GRHL1: variants seen among roughly 807,000 people sequenced by gnomAD.
GRHL1 encodes grainyhead like transcription factor 1, also known as grainyhead-like protein 1 homolog.
Under a neutral mutation model 75.7 loss-of-function variants are expected in GRHL1, and 38 were observed. The ratio of observed to expected loss-of-function variants is 0.50; its 90% CI spans 0.39 to 0.66. GRHL1 has a LOEUF of 0.66. Among genes scored for constraint, GRHL1 ranks in the 30% least tolerant of loss-of-function variants. The probability of loss-of-function intolerance (pLI) is 0.00; values close to 1 mark genes in which losing one functional copy is unlikely to be tolerated. For missense variants in GRHL1, 589 were observed against 767.5 expected, an observed-to-expected ratio of 0.77 and a Z score of 2.75; for synonymous variants, 266 against 279.4, an observed-to-expected ratio of 0.95 and a Z score of 0.48.
chr2:9,964,422 G>C, intron 7 of GRHL1, 76 bp downstream of exon 7: 1 of 781,088 alleles, frequency 1.3e-6, no homozygotes, highest in South Asian at 1.7e-5. Flanking sequence ...ATTTTTGGCA[G>C]TGATCAGCTT....
In GRHL1 at chr2:9,992,916, A is replaced by AAGGCTAAT. The variant is rs1238580697; in HGVS notation, c.1462-291_1462-290insAGGCTAAT. Among the ~76,000 whole-genome samples, 5 of 152,204 alleles carry AAGGCTAAT rather than the reference A, an allele frequency of 3.3e-5. No homozygotes were observed. Among genetic ancestry groups the AAGGCTAAT allele is most frequent in the African/African-American group, 1.2e-4 (5 of 41,458 alleles). The stretch of plus-strand genomic sequence containing the variant: ...CCCCGTGGTCTCCACTGTGCTGCTC[A>AAGGCTAAT]GTGCTGCCGAACTAGTGCACACATG... On this transcript the variant is annotated intron_variant, in intron 11 of 15. Coordinates refer to ENST00000324907, the MANE Select transcript of GRHL1 (RefSeq NM_198182.3). This position sits in a 1 kb window ranked among gnomAD's most constrained non-coding sequence, Gnocchi z 4.6.
intron 8 of GRHL1, among the ~76,000 whole-genome samples, chr2:9,981,028 A>G (rs1475485976): frequency 6.6e-6 from 1 of 152,274 alleles, no homozygotes; most frequent in South Asian, 2.1e-4. Context: ...CCCATTAGGT[A>G]GAATCCATGG....
In GRHL1 at chr2:9,951,938, G is replaced by A. The variant is rs886992092; in HGVS notation, c.20+85G>A. 16 of 893,784 alleles carry A rather than the reference G, an allele frequency of 1.8e-5. No individual in the cohort carries two copies. The African/African-American group carries it at 2.5e-4, about 14-fold the overall frequency. 55.4% of individuals were successfully genotyped at this position (893,784 alleles called of 1,614,324 possible). Reference sequence around the variant, plus strand: ...CAGCGAGCGAGCCGGGCGCAGACCCGAGGCCGCGCGGGCGGGCGGGCGCGG... The same window carrying A: ...CAGCGAGCGAGCCGGGCGCAGACCCAAGGCCGCGCGGGCGGGCGGGCGCGG... On this transcript the variant is annotated intron_variant, in intron 1 of 15. Coordinates refer to ENST00000324907, the MANE Select transcript of GRHL1 (RefSeq NM_198182.3). This position sits in a 1 kb window ranked among gnomAD's most constrained non-coding sequence, Gnocchi z 4.2.
intron 8 of GRHL1, among the ~76,000 whole-genome samples, chr2:9,979,400 A>G (rs1233090148): frequency 6.6e-6 from 1 of 151,818 alleles, no homozygotes; most frequent in East Asian, 1.9e-4. Context: ...ATGCCCAGCT[A>G]ATTTATTTTA....
In GRHL1 at chr2:9,968,651, G is replaced by A. The variant is rs1360069642; in HGVS notation, c.1110+3270G>A. On this transcript the variant is annotated intron_variant, in intron 8 of 15. Transcript: ENST00000324907. This position sits in a 1 kb window ranked among gnomAD's most constrained non-coding sequence, Gnocchi z 4.7. Reference sequence around the variant, plus strand: ...AGATGCTGAAGTTTAGGATTTGCAGGACAAGATGAGGGCACTGGTCTCCTG... The same window carrying A: ...AGATGCTGAAGTTTAGGATTTGCAGAACAAGATGAGGGCACTGGTCTCCTG... Among the ~76,000 whole-genome samples the A allele has an allele frequency of 6.6e-6, 1 of 152,178 alleles. No individual in the cohort carries two copies. Among genetic ancestry groups the A allele is most frequent in the East Asian group, 1.9e-4 (1 of 5,186 alleles).
At chr2:9,954,866 T>G (rs1386646013) in intron 1 of GRHL1, 49 bp from the exon 2 acceptor site, 2 of 1,421,342 alleles carry the variant, frequency 1.4e-6, no homozygotes, top group Non-Finnish European at 2.0e-6. Flanking sequence ...TTATGATACC[T>G]TGCAGTAGAA....
chr2:9,966,493 T>G (rs2125215219), intron 8 of GRHL1: 1 of 152,316 alleles, frequency 6.6e-6, no homozygotes, highest in South Asian at 2.1e-4. Context: ...CTTACAATAT[T>G]AGGTATAGCA....
intron 8 of GRHL1, among the ~76,000 whole-genome samples, chr2:9,974,502 G>C (rs6744047): frequency 0.17 from 26,069 of 152,110 alleles, 2,867 homozygotes; most frequent in African/African-American, 0.31. Context: ...AGTTGGGCGT[G>C]ATAATACACA....
At position 10,001,992 on chromosome 2, in the gene GRHL1, A is replaced by G. The variant is rs532666131; in HGVS notation, c.*1285A>G. Reference sequence around the variant, plus strand: ...TTTGTACACATTTAAGTATATAAAAATACTAAAATATGTAATTTTATAACA... The same window carrying G: ...TTTGTACACATTTAAGTATATAAAAGTACTAAAATATGTAATTTTATAACA... On this transcript the variant is annotated 3_prime_UTR_variant, in exon 16 of 16. Transcript: ENST00000324907. 4.3e-4 allele frequency: 66 copies of G among 152,776 alleles called. No homozygotes were observed. Among genetic ancestry groups the G allele is most frequent in the African/African-American group, 1.4e-3 (58 of 41,590 alleles). 9.5% of individuals were successfully genotyped at this position (152,776 alleles called of 1,614,324 possible). A position where few individuals can be genotyped will look rare whatever the true frequency, so the allele number is the denominator to read the frequency against.
chr2:9,954,349 A>G (rs1666919537), intron 1 of GRHL1, among the ~76,000 whole-genome samples: 1 of 152,156 alleles, frequency 6.6e-6, no homozygotes, highest in African/African-American at 2.4e-5. Flanking sequence ...TCTGCTGGTA[A>G]TCAGTAGAAT....
intron 10 of GRHL1, among the ~76,000 whole-genome samples, chr2:9,991,688 T>C (rs1438137994): frequency 2.0e-5 from 3 of 152,272 alleles, no homozygotes; most frequent in Non-Finnish European, 2.9e-5. Context: ...TACACAATTA[T>C]ACATTTTAGC....
rs774504745 is a variant in GRHL1 at position 9,965,391 on chromosome 2, G to C, written c.1110+10G>C. The C allele has an allele frequency of 1.3e-6, 2 of 1,504,898 alleles. No homozygotes were observed. Among genetic ancestry groups the C allele is most frequent in the Non-Finnish European group, 9.3e-7 (1 of 1,080,430 alleles). The allele number at this position is 1,504,898 out of a possible 1,614,324, so 93.2% of individuals were successfully genotyped here. A position where few individuals can be genotyped will look rare whatever the true frequency, so the allele number is the denominator to read the frequency against. ...CAACGATGAAGCAAAGGTGGGTGGT[G>C]AGGTCTGGGCGCCTTATGTCCAGCC... On this transcript the variant is annotated intron_variant, in intron 8 of 15. Transcript: ENST00000324907.
At chr2:9,998,782 G>GTATATATGTACACA (rs1669097292) in intron 14 of GRHL1, among the ~76,000 whole-genome samples, 183 bp from the exon 15 acceptor site, 1 of 28,448 alleles carries the variant, frequency 3.5e-5, no homozygotes, top group African/African-American at 2.6e-4. Flanking sequence ...ACATATATAC[G>GTATATATGTACACA]TATATATATG....
In GRHL1 at chr2:9,987,375, T is replaced by C. The variant is rs2125237370; in HGVS notation, c.1269+1093T>C. Among the ~76,000 whole-genome samples the C allele has an allele frequency of 6.6e-6, 1 of 152,244 alleles. No individual in the cohort carries two copies. Among genetic ancestry groups the C allele is most frequent in the South Asian group, 2.1e-4 (1 of 4,816 alleles). ...TAGATTAGAAGGGTTGATAAGTACG[T>C]TTTGTTGGGCATGTCTGATAAGTAA... On this transcript the variant is annotated intron_variant, in intron 9 of 15. Transcript: ENST00000324907. This position sits in a 1 kb window ranked among gnomAD's most constrained non-coding sequence, Gnocchi z 4.2.
chr2:9,971,807 A>G (rs3791764), intron 8 of GRHL1, among the ~76,000 whole-genome samples: 33,396 of 152,178 alleles, frequency 0.22, 3,975 homozygotes, highest in African/African-American at 0.31. Flanking sequence ...GATACAGAAT[A>G]AAGTCTTTAT....
At chr2:9,975,918 C>A (rs1039168524) in intron 8 of GRHL1, among the ~76,000 whole-genome samples, 1 of 151,980 alleles carries the variant, frequency 6.6e-6, no homozygotes, top group Non-Finnish European at 1.5e-5. Context: ...ATAATAAACA[C>A]AAATAACTTG....
intron 8 of GRHL1, among the ~76,000 whole-genome samples, chr2:9,967,001 T>G (rs1041132475): frequency 3.3e-5 from 5 of 152,230 alleles, no homozygotes; most frequent in Non-Finnish European, 7.3e-5. Flanking sequence ...ATAATAGGAC[T>G]CAGTCCACTG....
chr2:9,965,455 AT>A (rs111854908), intron 8 of GRHL1, 74 bp downstream of exon 8: 36,974 of 579,678 alleles, frequency 0.064, 1 homozygote, highest in South Asian at 0.095. Context: ...TTGACAACTG[AT>A]TTTTTTTTTT....
chr2:9,981,532 A>G (rs1412794438), intron 8 of GRHL1, among the ~76,000 whole-genome samples: 1 of 152,204 alleles, frequency 6.6e-6, no homozygotes, highest in Non-Finnish European at 1.5e-5. Context: ...TATATAAATC[A>G]AGTTTTATCG....
Sources: gnomAD v4.1 joint callset for allele counts (sites outside exome capture counted in the v4.1 genomes callset) on GRCh38, gnomAD v4.1.1 for gene constraint, Gnocchi (gnomAD v3.1) non-coding constraint, MANE v1.5 for transcripts, NCBI Gene and HGNC (gene_info 2026-07-23, HGNC 2026-07-21) for gene names.